The following GALNT17 variants were observed in gnomAD, a reference collection of about 807,000 sequenced individuals.
GALNT17 encodes the protein polypeptide N-acetylgalactosaminyltransferase 17.
In GALNT17, 29 loss-of-function variants were observed where a neutral mutation model predicts 63.7. The ratio of observed to expected loss-of-function variants is 0.46; its 90% CI spans 0.34 to 0.62. The LOEUF (loss-of-function observed/expected upper bound fraction) is 0.62. Among genes scored for constraint, GALNT17 ranks in the 20% least tolerant of loss-of-function variants. The pLI, the probability that GALNT17 is intolerant of heterozygous loss-of-function variation, is 0.01. For synonymous variants in GALNT17, 305 were observed against 318.3 expected (o/e 0.96, Z 0.45); for missense variants, 603 against 799.6 (o/e 0.75, Z 2.97).
intron 6 of GALNT17, among the ~76,000 whole-genome samples, chr7:71,608,499 T>C (rs1439362751): frequency 6.6e-6 from 1 of 152,142 alleles, no homozygotes; most frequent in Admixed American, 6.5e-5. Context: ...ACAAGTAGTA[T>C]CAACATAATG....
intron 2 of GALNT17, 103 bp from the exon 3 acceptor site, chr7:71,388,132 C>T (rs77859267): frequency 0.035 from 44,720 of 1,270,988 alleles, 1,198 homozygotes; most frequent in African/African-American, 0.11. Context: ...CGCCTTGGGA[C>T]GACTGGATGA....
At chr7:71,706,709 C>G (rs541391165) in intron 9 of GALNT17, among the ~76,000 whole-genome samples, 65 of 152,282 alleles carry the variant, frequency 4.3e-4, no homozygotes, top group African/African-American at 1.5e-3. Flanking sequence ...CTCTCAAGGG[C>G]ACTTAATAAA....
chr7:71,187,953 A>G (rs1202665), intron 1 of GALNT17, among the ~76,000 whole-genome samples: 58,047 of 152,078 alleles, frequency 0.38, 16,775 homozygotes, highest in African/African-American at 0.81. Context: ...TAGCTCCCAC[A>G]TATGCGTGAG....
At position 71,677,206 on chromosome 7, in the gene GALNT17, T is replaced by C. The variant is rs746209908; in HGVS notation, c.1405-5T>C. 2 of 1,613,838 alleles carry C rather than the reference T, an allele frequency of 1.2e-6. No homozygotes were observed. Among genetic ancestry groups the C allele is most frequent in the Admixed American group, 3.3e-5 (2 of 60,014 alleles). ...TCATGGGTCGTGTTTTGTCTATTCT[T>C]GCAGCTTCGCAACAACAAGGCAAAA... On this transcript the variant is annotated splice_region_variant and splice_polypyrimidine_tract_variant and intron_variant, in intron 8 of 10. Coordinates refer to ENST00000333538, the MANE Select transcript of GALNT17 (RefSeq NM_022479.3).
chr7:71,328,058 G>A (rs1791734504), intron 1 of GALNT17, among the ~76,000 whole-genome samples: 1 of 152,050 alleles, frequency 6.6e-6, no homozygotes, highest in Non-Finnish European at 1.5e-5. Context: ...TATGCAACTG[G>A]GAGAAAAAGG....
chr7:71,261,955 C>T (rs1165702947), intron 1 of GALNT17, among the ~76,000 whole-genome samples: 2 of 152,130 alleles, frequency 1.3e-5, no homozygotes, highest in Admixed American at 1.3e-4. Flanking sequence ...GGGCCCTCTT[C>T]CCGGGAGCCG....
At chr7:71,536,128 A>G (rs1426964664) in intron 5 of GALNT17, among the ~76,000 whole-genome samples, 1 of 152,216 alleles carries the variant, frequency 6.6e-6, no homozygotes, top group Non-Finnish European at 1.5e-5. Context: ...GACTGTTCAT[A>G]GCAAAAAGAC....
rs113963699 is a variant in GALNT17, at chr7:71,374,220, G to A, written c.423-14015G>A. ...GAAGCAGGAGCTTTGGAGTCAGGTA[G>A]ATAAAGTTTAAGTCTACCCACCACT... is the stretch of plus-strand genomic sequence containing the variant. On this transcript the variant is annotated intron_variant, in intron 2 of 10. Coordinates refer to ENST00000333538, the MANE Select transcript of GALNT17 (RefSeq NM_022479.3). 7.3e-3 allele frequency among the ~76,000 whole-genome samples: 1,119 copies of A among 152,294 alleles called. 14 individuals are homozygous for A. Among genetic ancestry groups the A allele is most frequent in the African/African-American group, 0.026 (1,061 of 41,564 alleles).
chr7:71,175,615 G>GA (rs1310059706), intron 1 of GALNT17, among the ~76,000 whole-genome samples: 4 of 152,206 alleles, frequency 2.6e-5, no homozygotes, highest in Non-Finnish European at 4.4e-5. Flanking sequence ...GTTGGGATGA[G>GA]AGGCGGTGGT....
chr7:71,493,968 A>G (rs966653465), intron 5 of GALNT17, among the ~76,000 whole-genome samples: 2 of 151,366 alleles, frequency 1.3e-5, no homozygotes, highest in African/African-American at 4.9e-5. Context: ...CAGCTTTTAT[A>G]AAGTTTTTTT....
chr7:71,658,953 C>G (rs962082289), intron 6 of GALNT17, among the ~76,000 whole-genome samples: 1 of 152,160 alleles, frequency 6.6e-6, no homozygotes, highest in Non-Finnish European at 1.5e-5. Flanking sequence ...AAGCTATCAG[C>G]TCTTCTTCCC....
intron 7 of GALNT17, among the ~76,000 whole-genome samples, chr7:71,666,756 T>C (rs1427377767): frequency 2.6e-5 from 4 of 152,246 alleles, no homozygotes; most frequent in Admixed American, 6.5e-5. Flanking sequence ...AGATTACTTA[T>C]AGATAATACA....
At position 71,200,934 on chromosome 7, in the gene GALNT17, A is replaced by G. The variant is rs112113658; in HGVS notation, c.238+67894A>G. On this transcript the variant is annotated intron_variant, in intron 1 of 10. Coordinates refer to ENST00000333538, the MANE Select transcript of GALNT17 (RefSeq NM_022479.3). ...TACGTACATTTATATGATGTTATTTATATGTATTATTATTCTGATTATATT... is the reference window on the plus strand; with the variant it reads ...TACGTACATTTATATGATGTTATTTGTATGTATTATTATTCTGATTATATT... 3.6e-3 allele frequency among the ~76,000 whole-genome samples: 540 copies of G among 152,092 alleles called. 3 individuals carry two copies. The highest frequency in any genetic ancestry group is 0.012 in the African/African-American group (496 of 41,530).
At chr7:71,660,207 A>C (rs901575840) in intron 6 of GALNT17, among the ~76,000 whole-genome samples, 2 of 152,024 alleles carry the variant, frequency 1.3e-5, no homozygotes, top group African/African-American at 2.4e-5. Context: ...CTGGAGGCCC[A>C]TATCCATTTA....
chr7:71,458,042 C>G (rs916559328), intron 5 of GALNT17, among the ~76,000 whole-genome samples: 4 of 152,090 alleles, frequency 2.6e-5, no homozygotes, highest in African/African-American at 9.7e-5. Context: ...GTAGGGCGCT[C>G]TGTTCTCTCC....
intron 2 of GALNT17, among the ~76,000 whole-genome samples, chr7:71,369,391 C>T (rs1792574860): frequency 6.6e-6 from 1 of 152,174 alleles, no homozygotes; most frequent in Non-Finnish European, 1.5e-5. Flanking sequence ...ACTACCATTT[C>T]TATAGCTTCC....
chr7:71,473,470 C>T (rs999167587), intron 5 of GALNT17, among the ~76,000 whole-genome samples: 145 of 152,278 alleles, frequency 9.5e-4, no homozygotes, highest in African/African-American at 3.4e-3. Flanking sequence ...GGATTTCCTT[C>T]AGGGTCTGGC....
intron 6 of GALNT17, among the ~76,000 whole-genome samples, chr7:71,623,768 G>A (rs1202821822): frequency 6.6e-6 from 1 of 152,158 alleles, no homozygotes; most frequent in Non-Finnish European, 1.5e-5. Context: ...TGGCATGAAG[G>A]TGCTTAGGAA....
intron 6 of GALNT17, among the ~76,000 whole-genome samples, chr7:71,620,289 G>C (rs1790271928): frequency 6.6e-6 from 1 of 152,192 alleles, no homozygotes. Flanking sequence ...GTATCAGGCT[G>C]ATGCTGGTTT....
Sources: allele counts gnomAD v4.1 joint callset (sites outside exome capture counted in the v4.1 genomes callset), GRCh38; gene constraint gnomAD v4.1.1; transcripts MANE v1.5; gene names NCBI Gene and HGNC (gene_info 2026-07-23, HGNC 2026-07-21).